Variants in SACM1L observed in about 807,000 individuals in gnomAD.
The protein encoded by SACM1L is SAC1 like phosphatidylinositide phosphatase.
Under a neutral mutation model 89.5 loss-of-function variants are expected in SACM1L, and 32 were observed. The observed-to-expected ratio is 0.36, with a 90% CI of 0.27 to 0.48. SACM1L has a LOEUF of 0.48. SACM1L is among the 20% of genes least tolerant of loss of function. The pLI, the probability that SACM1L is intolerant of heterozygous loss-of-function variation, is 0.99. For missense variants in SACM1L, 543 were observed against 708.5 expected, an observed-to-expected ratio of 0.77 and a Z score of 2.65; for synonymous variants, 213 against 232.8, an observed-to-expected ratio of 0.92 and a Z score of 0.77.
chr3:45,723,053 G>A (rs772064031), intron 10 of SACM1L, 98 bp downstream of exon 10: 10 of 956,534 alleles, frequency 1.0e-5, no homozygotes, highest in Non-Finnish European at 1.4e-5. Flanking sequence ...ATAAATCAAT[G>A]TTCAACATCT....
intron 1 of SACM1L, among the ~76,000 whole-genome samples, chr3:45,698,064 T>G (rs1017981086): frequency 2.0e-5 from 3 of 152,226 alleles, no homozygotes; most frequent in African/African-American, 7.2e-5. Flanking sequence ...GTTTACTTAA[T>G]TGTTTTTGAC....
In SACM1L at chr3:45,713,004, T is replaced by A; in HGVS notation, c.484-133T>A. 8.1e-6 allele frequency: 5 copies of A among 618,096 alleles called. No homozygotes were observed. In the East Asian group the frequency reaches 1.2e-4, roughly 14 times the overall value. 38.3% of individuals were successfully genotyped at this position (618,096 alleles called of 1,614,324 possible). On this transcript the variant is annotated intron_variant, in intron 5 of 19. Coordinates refer to ENST00000389061, the MANE Select transcript of SACM1L (RefSeq NM_014016.5). ...AGGAGGTACAGATTTGCGGGGGAGATGTATTTTGTTTGAGGCCTGTCAAAG... is the reference window on the plus strand; with the variant it reads ...AGGAGGTACAGATTTGCGGGGGAGAAGTATTTTGTTTGAGGCCTGTCAAAG...
At position 45,692,208 on chromosome 3, in the gene SACM1L, A is replaced by C. The variant is rs57901916; in HGVS notation, c.32+2711A>C. Among the ~76,000 whole-genome samples the C allele has an allele frequency of 3.4e-3, 520 of 152,252 alleles. 2 individuals are homozygous for C. The highest frequency in any genetic ancestry group is 0.012 in the African/African-American group (508 of 41,536). On this transcript the variant is annotated intron_variant, in intron 1 of 19. Coordinates refer to ENST00000389061, the MANE Select transcript of SACM1L (RefSeq NM_014016.5). ...TATGGATTCATATCTTAACTTGACTACTTGTTTTGTGTCCTGGGCATAGTA... is the reference window on the plus strand; with the variant it reads ...TATGGATTCATATCTTAACTTGACTCCTTGTTTTGTGTCCTGGGCATAGTA...
At chr3:45,698,872 G>A (rs1228713896) in intron 1 of SACM1L, among the ~76,000 whole-genome samples, 1 of 152,118 alleles carries the variant, frequency 6.6e-6, no homozygotes, top group Non-Finnish European at 1.5e-5. Context: ...GTTCAAGCAA[G>A]CGATTCCCCT....
intron 4 of SACM1L, among the ~76,000 whole-genome samples, chr3:45,708,573 T>C (rs534819104): frequency 1.3e-5 from 2 of 152,166 alleles, no homozygotes; most frequent in East Asian, 3.9e-4. Flanking sequence ...AGAATTTCTT[T>C]TTTATTATAT....
At chr3:45,738,552 A>G in intron 16 of SACM1L, 26 bp from the exon 17 acceptor site, 1 of 1,411,904 alleles carries the variant, frequency 7.1e-7, no homozygotes. Flanking sequence ...CAAACCTGTA[A>G]CTTAAAATTT....
intron 11 of SACM1L, among the ~76,000 whole-genome samples, chr3:45,729,260 T>A (rs1051121330): frequency 3.2e-5 from 2 of 62,086 alleles, no homozygotes; most frequent in African/African-American, 1.4e-4. Flanking sequence ...CTAATTTTTT[T>A]ATTTTTGGCA....
At position 45,717,791 on chromosome 3, in the gene SACM1L, C is replaced by T. The variant is rs143827945; in HGVS notation, c.578-1709C>T. ...ATTAGCCAGACATGGTGGCATGTGC[C>T]TGTAGTCCCAGCTACCTGGGAGGCC... On this transcript the variant is annotated intron_variant, in intron 7 of 19. Transcript: ENST00000389061. 6.6e-3 allele frequency among the ~76,000 whole-genome samples: 998 copies of T among 152,318 alleles called. 10 individuals are homozygous for T. The highest frequency in any genetic ancestry group is 0.022 in the African/African-American group (933 of 41,556).
chr3:45,721,759 A>G (rs1286630659), intron 8 of SACM1L, among the ~76,000 whole-genome samples: 1 of 152,162 alleles, frequency 6.6e-6, no homozygotes, highest in East Asian at 1.9e-4. Context: ...TTTAAGAGCA[A>G]CCAACTTCAT....
intron 5 of SACM1L, 132 bp from the exon 6 acceptor site, chr3:45,713,005 G>GT: frequency 1.6e-6 from 1 of 630,574 alleles, no homozygotes; most frequent in Non-Finnish European, 2.7e-6. Context: ...CGGGGGAGAT[G>GT]TATTTTGTTT....
intron 19 of SACM1L, among the ~76,000 whole-genome samples, chr3:45,741,451 C>T (rs1436087218): frequency 6.6e-6 from 1 of 152,076 alleles, no homozygotes; most frequent in Non-Finnish European, 1.5e-5. Context: ...TTCACTGGAT[C>T]AGCAACTTTT....
intron 1 of SACM1L, chr3:45,689,855 A>G: frequency 2.7e-6 from 1 of 371,882 alleles, no homozygotes; most frequent in Non-Finnish European, 4.9e-6. Context: ...TGTATGACTT[A>G]ACAGAGAAAA....
rs1419960703 is a variant in SACM1L at position 45,697,283 on chromosome 3, T to C, written c.33-6155T>C. On this transcript the variant is annotated intron_variant, in intron 1 of 19. Transcript: ENST00000389061. The stretch of plus-strand genomic sequence containing the variant: ...CTTTTCTTTTCCTTTTTTTTTTTTT[T>C]TTTTTTTTTTTAAGACAGGCTCTTG... Among the ~76,000 whole-genome samples the C allele has an allele frequency of 1.9e-4, 28 of 143,832 alleles. 1 individual carries two copies. Among genetic ancestry groups the C allele is most frequent in the Non-Finnish European group, 1.5e-5 (1 of 65,638 alleles). 94.4% of individuals were successfully genotyped at this position (143,832 alleles called of 152,430 possible).
intron 13 of SACM1L, among the ~76,000 whole-genome samples, chr3:45,733,152 A>G (rs1699117862): frequency 6.6e-6 from 1 of 152,168 alleles, no homozygotes; most frequent in Non-Finnish European, 1.5e-5. Context: ...TGTAAGAAAG[A>G]AGGAGAGTTG....
chr3:45,703,675 C>T (rs1698325739), intron 2 of SACM1L, 140 bp downstream of exon 2: 1 of 502,650 alleles, frequency 2.0e-6, no homozygotes, highest in African/African-American at 1.9e-5. Flanking sequence ...CTTGCTACCT[C>T]ATTCATAGGT....
chr3:45,730,867 C>T (rs887447871), intron 11 of SACM1L, among the ~76,000 whole-genome samples: 8 of 152,144 alleles, frequency 5.3e-5, no homozygotes, highest in African/African-American at 1.2e-4. Context: ...TTTTACTGCC[C>T]GTGTTCAGAG....
rs1698978240 is a variant in SACM1L, at chr3:45,728,552, A to T, written c.922-2749A>T. ...GATACCAGAAGCATATAAAAGCTCTACTCCTGTAAAGCCTTCATGCTTCCT... is the reference window on the plus strand; with the variant it reads ...GATACCAGAAGCATATAAAAGCTCTTCTCCTGTAAAGCCTTCATGCTTCCT... On this transcript the variant is annotated intron_variant, in intron 11 of 19. Transcript: ENST00000389061. Among the ~76,000 whole-genome samples the T allele has an allele frequency of 2.0e-5, 3 of 151,934 alleles. No individual in the cohort carries two copies. The South Asian group carries it at 6.2e-4, about 32-fold the overall frequency.
intron 18 of SACM1L, 27 bp from the exon 19 acceptor site, chr3:45,739,553 TTAAATGA>T: frequency 1.2e-6 from 2 of 1,606,708 alleles, no homozygotes; most frequent in Non-Finnish European, 1.7e-6. Context: ...ATTAGCATTC[TTAAATGA>T]TGATCTCTTT....
chr3:45,716,650 G>A (rs1481201509), intron 7 of SACM1L, among the ~76,000 whole-genome samples: 1 of 151,960 alleles, frequency 6.6e-6, no homozygotes, highest in Non-Finnish European at 1.5e-5. Context: ...ATGTGATCGG[G>A]GCCTGTGGAG....
Sources: allele counts gnomAD v4.1 joint callset (sites outside exome capture counted in the v4.1 genomes callset), GRCh38; gene constraint gnomAD v4.1.1; transcripts MANE v1.5; gene names NCBI Gene and HGNC (gene_info 2026-07-23, HGNC 2026-07-21).